The following BCAS3 variants were observed in gnomAD, a reference collection of about 807,000 sequenced individuals.
BCAS3 encodes BCAS3 microtubule associated cell migration factor.
BCAS3 carries 53 observed loss-of-function variants against 116.1 expected under a neutral mutation model. The observed-to-expected ratio is 0.46, with a 90% CI of 0.37 to 0.57. The LOEUF is 0.57. BCAS3 is among the 20% of genes least tolerant of loss of function. The probability of loss-of-function intolerance (pLI) is 0.00; values close to 1 mark genes in which losing one functional copy is unlikely to be tolerated. For missense variants in BCAS3, 917 were observed against 1,165.4 expected, an observed-to-expected ratio of 0.79 and a Z score of 3.10; for synonymous variants, 391 against 408.2, an observed-to-expected ratio of 0.96 and a Z score of 0.51.
intron 6 of BCAS3, among the ~76,000 whole-genome samples, chr17:60,774,050 G>A (rs1322528144): frequency 1.3e-5 from 2 of 152,050 alleles, no homozygotes; most frequent in East Asian, 1.9e-4. Context: ...TCTTTACAAT[G>A]CCTTTTACAA....
chr17:60,985,612 T>C (rs987808338), intron 14 of BCAS3, among the ~76,000 whole-genome samples: 1 of 152,100 alleles, frequency 6.6e-6, no homozygotes, highest in African/African-American at 2.4e-5. Context: ...ATACCAGATA[T>C]TATCCATTCT....
chr17:61,132,848 G>A lies in BCAS3; in HGVS notation c.2425+48284G>A, dbSNP rs2076412054. On this transcript the variant is annotated intron_variant, in intron 22 of 23. Coordinates refer to ENST00000407086, the MANE Select transcript of BCAS3 (RefSeq NM_017679.5). The surrounding 1 kb of genome is among the most constrained non-coding windows in gnomAD (Gnocchi z 5.1). ...CACGGGGCAAGATCAAAGAATCCAA[G>A]CAAGGTTCATAAAATGCCACCACCC... Among the ~76,000 whole-genome samples the A allele has an allele frequency of 6.6e-6, 1 of 151,892 alleles. No individual in the cohort carries two copies. Among genetic ancestry groups the A allele is most frequent in the African/African-American group, 2.4e-5 (1 of 41,340 alleles).
chr17:61,360,811 TCTACCCATTG>T (rs1396768371), intron 22 of BCAS3, among the ~76,000 whole-genome samples: 5 of 152,250 alleles, frequency 3.3e-5, no homozygotes, highest in African/African-American at 4.8e-5. Context: ...GGAACACCAT[TCTACCCATTG>T]CAGTGGATAA....
intron 7 of BCAS3, among the ~76,000 whole-genome samples, chr17:60,824,352 C>T (rs925696822): frequency 3.3e-5 from 5 of 152,110 alleles, no homozygotes. Context: ...TTACCTTCAG[C>T]TCCTTTCTTC....
chr17:60,827,497 T>C (rs2050534861), intron 7 of BCAS3, among the ~76,000 whole-genome samples: 1 of 152,126 alleles, frequency 6.6e-6, no homozygotes, highest in East Asian at 1.9e-4. Flanking sequence ...CATTGGAAAA[T>C]GGTAATGTGT....
intron 22 of BCAS3, among the ~76,000 whole-genome samples, chr17:61,269,411 G>A (rs538633391): frequency 1.9e-4 from 29 of 152,140 alleles, no homozygotes; most frequent in South Asian, 6.2e-4. Context: ...CACCGCGCCC[G>A]GCCATTATAT....
At position 61,032,789 on chromosome 17, in the gene BCAS3, G is replaced by GAA. The variant is rs1299232391; in HGVS notation, c.1638-1876_1638-1875dup. Among the ~76,000 whole-genome samples the GAA allele has an allele frequency of 1.3e-4, 20 of 152,302 alleles. No individual in the cohort carries two copies. Among genetic ancestry groups the GAA allele is most frequent in the Admixed American group, 7.9e-4 (12 of 15,276 alleles). On this transcript the variant is annotated intron_variant, in intron 16 of 23. Transcript: ENST00000407086. The surrounding 1 kb of genome is among the most constrained non-coding windows in gnomAD (Gnocchi z 4.6). ...ACGATGTCTTTATTCCCTGTCACTG[G>GAA]AAGTCTCACTGTGACTGGTTGACAT...
chr17:60,932,576 C>T (rs1443226386), intron 13 of BCAS3, among the ~76,000 whole-genome samples: 1 of 151,152 alleles, frequency 6.6e-6, no homozygotes, highest in Admixed American at 6.6e-5. Flanking sequence ...CCCGTCTCTA[C>T]TAAAAAATAC....
chr17:61,190,706 C>T lies in BCAS3; in HGVS notation c.2425+106142C>T, dbSNP rs368750260. ...CACTGCACCGACTCCCGGGTTCAAG[C>T]GATTCTCCTGCCTCAGCCTCCCAAG... On this transcript the variant is annotated intron_variant, in intron 22 of 23. Transcript: ENST00000407086. Among the ~76,000 whole-genome samples, 34 of 151,890 alleles carry T rather than the reference C, an allele frequency of 2.2e-4. No individual in the cohort carries two copies. The East Asian group carries it at 5.3e-3, about 24-fold the overall frequency.
At chr17:60,843,770 C>T (rs768739588) in intron 7 of BCAS3, among the ~76,000 whole-genome samples, 2 of 152,218 alleles carry the variant, frequency 1.3e-5, no homozygotes, top group Non-Finnish European at 2.9e-5. Context: ...CTTTTATCAT[C>T]TGCACTGATC....
At chr17:60,763,765 G>C (rs2043796474) in intron 6 of BCAS3, among the ~76,000 whole-genome samples, 1 of 152,228 alleles carries the variant, frequency 6.6e-6, no homozygotes, top group African/African-American at 2.4e-5. Flanking sequence ...AGCTTCAGAA[G>C]GAATGGTACC....
intron 22 of BCAS3, among the ~76,000 whole-genome samples, chr17:61,121,090 T>A (rs1003079854): frequency 3.9e-5 from 6 of 152,154 alleles, no homozygotes; most frequent in Non-Finnish European, 8.8e-5. Context: ...AAATATTTCA[T>A]GATTTTTGTA....
intron 14 of BCAS3, among the ~76,000 whole-genome samples, chr17:60,963,508 G>C (rs1031237746): frequency 2.0e-5 from 3 of 149,046 alleles, no homozygotes; most frequent in Non-Finnish European, 3.0e-5. Flanking sequence ...TTGCTTTCTT[G>C]ATTTCTTTTT....
chr17:60,765,550 T>C (rs1199637946), intron 6 of BCAS3, among the ~76,000 whole-genome samples: 2 of 152,232 alleles, frequency 1.3e-5, no homozygotes, highest in Admixed American at 6.5e-5. Context: ...GAGTTTCTGC[T>C]GAGAGATCAG....
rs1382972865 is a variant in BCAS3, at chr17:61,128,581, A to C, written c.2425+44017A>C. 2 of 985,242 alleles carry C rather than the reference A, an allele frequency of 2.0e-6. No homozygotes were observed. Among genetic ancestry groups the C allele is most frequent in the African/African-American group, 1.7e-5 (1 of 57,214 alleles). 61.0% of individuals were successfully genotyped at this position (985,242 alleles called of 1,614,324 possible). A position where few individuals can be genotyped will look rare whatever the true frequency, so the allele number is the denominator to read the frequency against. On this transcript the variant is annotated intron_variant, in intron 22 of 23. Transcript: ENST00000407086. This position sits in a 1 kb window ranked among gnomAD's most constrained non-coding sequence, Gnocchi z 4.1. ...CTATACACAATCCCCAGCACTTATAAAATAAAAAAAGTATGGAGAGAGAGA... is the reference window on the plus strand; with the variant it reads ...CTATACACAATCCCCAGCACTTATACAATAAAAAAAGTATGGAGAGAGAGA...
At chr17:61,038,628 A>G (rs1036327807) in intron 18 of BCAS3, among the ~76,000 whole-genome samples, 3 of 150,270 alleles carry the variant, frequency 2.0e-5, no homozygotes, top group Non-Finnish European at 4.4e-5. Context: ...AGCAAAACAA[A>G]CAATACTTCA....
intron 3 of BCAS3, among the ~76,000 whole-genome samples, chr17:60,684,252 C>A (rs2033692560): frequency 6.6e-6 from 1 of 152,114 alleles, no homozygotes. Context: ...CTTTGCCTTC[C>A]TAAGAAGAAT....
intron 6 of BCAS3, among the ~76,000 whole-genome samples, chr17:60,765,304 G>T (rs997742567): frequency 6.6e-6 from 1 of 152,154 alleles, no homozygotes; most frequent in Non-Finnish European, 1.5e-5. Context: ...TTTACAATTT[G>T]GCATCTTTTT....
chr17:61,102,687 C>G (rs966528198), intron 22 of BCAS3, among the ~76,000 whole-genome samples: 1 of 150,818 alleles, frequency 6.6e-6, no homozygotes, highest in Non-Finnish European at 1.5e-5. Context: ...AGATTTCATT[C>G]CCATTTCTGT....
Sources: allele counts gnomAD v4.1 joint callset (sites outside exome capture counted in the v4.1 genomes callset), GRCh38; gene constraint gnomAD v4.1.1; non-coding constraint Gnocchi (gnomAD v3.1); transcripts MANE v1.5; gene names NCBI Gene and HGNC (gene_info 2026-07-23, HGNC 2026-07-21).